The following SWT1 variants were observed in gnomAD, a reference collection of about 807,000 sequenced individuals.
The protein encoded by SWT1 is transcriptional protein SWT1.
Under a neutral mutation model 107.3 loss-of-function variants are expected in SWT1, and 33 were observed. The ratio of observed to expected loss-of-function variants is 0.31; its 90% CI spans 0.23 to 0.41. The LOEUF (loss-of-function observed/expected upper bound fraction) is 0.41, where lower values mean the gene tolerates loss of function less well. Ranked by LOEUF, SWT1 falls within the 10% of genes least tolerant of loss-of-function variation. The pLI is 1.00. For synonymous variants in SWT1, 345 were observed against 348.3 expected, an observed-to-expected ratio of 0.99 and a Z score of 0.11; for missense variants, 898 against 1,028.9, an observed-to-expected ratio of 0.87 and a Z score of 1.74.
At chr1:185,253,552 A>G (rs1662225344) in intron 16 of SWT1, among the ~76,000 whole-genome samples, 1 of 149,386 alleles carries the variant, frequency 6.7e-6, no homozygotes, top group South Asian at 2.1e-4. Flanking sequence ...GCAATTGTGA[A>G]TGGGAGTTCA....
intron 11 of SWT1, among the ~76,000 whole-genome samples, chr1:185,204,210 A>G (rs539293761): frequency 3.3e-5 from 5 of 152,228 alleles, no homozygotes; most frequent in Admixed American, 1.3e-4. Flanking sequence ...CTCAGGAGGC[A>G]GAGGTTTCAG....
intron 4 of SWT1, among the ~76,000 whole-genome samples, chr1:185,173,728 C>T (rs1166038463): frequency 1.3e-5 from 2 of 150,458 alleles, no homozygotes; most frequent in East Asian, 2.0e-4. Flanking sequence ...AAAGAGAAAT[C>T]GGATAGGCCG....
At chr1:185,237,652 C>G (rs1234096172) in intron 16 of SWT1, among the ~76,000 whole-genome samples, 1 of 152,070 alleles carries the variant, frequency 6.6e-6, no homozygotes, top group East Asian at 1.9e-4. Flanking sequence ...ACCTATGTAA[C>G]AAACCTGCCC....
At chr1:185,173,036 C>G (rs1409550506) in intron 4 of SWT1, among the ~76,000 whole-genome samples, 2 of 131,352 alleles carry the variant, frequency 1.5e-5, no homozygotes, top group African/African-American at 6.1e-5. Context: ...AAGCGAGACT[C>G]CGTCTCAAAA....
intron 13 of SWT1, 53 bp downstream of exon 13, chr1:185,206,816 A>G (rs1428659748): frequency 8.0e-7 from 1 of 1,250,762 alleles, no homozygotes; most frequent in Non-Finnish European, 1.1e-6. Flanking sequence ...TCAGACTAGC[A>G]GATATATTTC....
chr1:185,234,543 A>G (rs1372168613), intron 16 of SWT1, among the ~76,000 whole-genome samples: 2 of 152,120 alleles, frequency 1.3e-5, no homozygotes, highest in East Asian at 1.9e-4. Context: ...CTGCACACCA[A>G]TGGATCTTGA....
chr1:185,264,888 T>G (rs1014134676), intron 16 of SWT1, among the ~76,000 whole-genome samples: 1 of 152,180 alleles, frequency 6.6e-6, no homozygotes, highest in Admixed American at 6.5e-5. Context: ...ATTAGTATAT[T>G]CTAATTGTAT....
Position 185,231,562 on chromosome 1 carries a change from T to C in SWT1, c.2310-15T>C. ...GTATGTATACCTATGAGTATCTTTTTTTTCTCTATTTTAGCACGGATGTAT... is the reference window on the plus strand; with the variant it reads ...GTATGTATACCTATGAGTATCTTTTCTTTCTCTATTTTAGCACGGATGTAT... On this transcript the variant is annotated splice_polypyrimidine_tract_variant and intron_variant, in intron 15 of 18. Transcript: ENST00000367500. The C allele has an allele frequency of 1.3e-6, 2 of 1,589,998 alleles. No homozygotes were observed. The highest frequency in any genetic ancestry group is 1.7e-6 in the Non-Finnish European group (2 of 1,163,318).
At chr1:185,229,056 A>G (rs1660305897) in intron 15 of SWT1, among the ~76,000 whole-genome samples, 1 of 152,200 alleles carries the variant, frequency 6.6e-6, no homozygotes, top group Non-Finnish European at 1.5e-5. Context: ...AAGCTACAGC[A>G]CAATTTTAAG....
intron 1 of SWT1, among the ~76,000 whole-genome samples, chr1:185,158,026 G>T (rs1653780979): frequency 1.3e-5 from 2 of 152,148 alleles, no homozygotes; most frequent in Admixed American, 6.5e-5. Context: ...GCTTGGGCTT[G>T]GTCCGAACCT....
chr1:185,183,744 C>A (rs556840904), intron 7 of SWT1, among the ~76,000 whole-genome samples: 3 of 152,174 alleles, frequency 2.0e-5, no homozygotes, highest in Non-Finnish European at 2.9e-5. Context: ...AATCCACCTA[C>A]AAGCAATTTA....
At chr1:185,212,759 C>A (rs531982879) in intron 13 of SWT1, among the ~76,000 whole-genome samples, 11 of 149,936 alleles carry the variant, frequency 7.3e-5, no homozygotes, top group Non-Finnish European at 4.4e-5. Context: ...GCCGAGATTG[C>A]GCCATTGCAC....
rs1053446869 is a variant in SWT1, at chr1:185,266,225, A to G, written c.2442-5098A>G. ...ACTACAGGCGCCCGCCACCACGCCC[A>G]GCTAATTTTTTTGTATTTTTAGTAG... On this transcript the variant is annotated intron_variant, in intron 16 of 18. Coordinates refer to ENST00000367500, the MANE Select transcript of SWT1 (RefSeq NM_017673.7). Among the ~76,000 whole-genome samples the G allele has an allele frequency of 8.5e-5, 12 of 141,760 alleles. No individual in the cohort carries two copies. The East Asian group carries it at 1.4e-3, about 16-fold the overall frequency. 93.0% of individuals were successfully genotyped at this position (141,760 alleles called of 152,430 possible).
chr1:185,190,779 T>C, intron 10 of SWT1, 137 bp downstream of exon 10: 1 of 550,490 alleles, frequency 1.8e-6, no homozygotes, highest in Non-Finnish European at 3.3e-6. Context: ...TACCCACTTG[T>C]ATCTGACAGT....
intron 18 of SWT1, among the ~76,000 whole-genome samples, chr1:185,278,313 C>G (rs1664386470): frequency 6.6e-6 from 1 of 152,302 alleles, no homozygotes; most frequent in Admixed American, 6.5e-5. Flanking sequence ...CTAATTCCTT[C>G]CCTTCTGCCA....
intron 7 of SWT1, among the ~76,000 whole-genome samples, chr1:185,182,886 A>T (rs951741294): frequency 1.3e-5 from 2 of 152,150 alleles, no homozygotes; most frequent in Non-Finnish European, 2.9e-5. Context: ...CTGTAATCCC[A>T]GCACTTTGGG....
At chr1:185,180,073 A>G (rs1036075025) in intron 5 of SWT1, among the ~76,000 whole-genome samples, 1 of 152,124 alleles carries the variant, frequency 6.6e-6, no homozygotes, top group African/African-American at 2.4e-5. Flanking sequence ...GGTCCCAGCT[A>G]CTCAGGTGGC....
At chr1:185,203,883 A>G (rs1450519491) in intron 11 of SWT1, among the ~76,000 whole-genome samples, 2 of 152,210 alleles carry the variant, frequency 1.3e-5, no homozygotes, top group Non-Finnish European at 2.9e-5. Context: ...TTGTCATAAT[A>G]TTCAAAATGG....
At position 185,181,977 on chromosome 1, in the gene SWT1, G is replaced by C. The variant is rs200411078; in HGVS notation, c.1058G>C (p.Arg353Pro). The stretch of plus-strand genomic sequence containing the variant: ...ATAGTAGAAGAGCTTCATGCTGCAC[G>C]TGTGGGAAAAAGTGTGGATTTACCT... ...MQIVEELHAARVGKSVDLPGE... is the reference protein window; with the variant it reads ...MQIVEELHAAPVGKSVDLPGE... Residue 353 changes from arginine to proline, a missense_variant, in exon 7 of 19, where the codon CGT becomes CCT. Coordinates refer to ENST00000367500, the MANE Select transcript of SWT1 (RefSeq NM_017673.7). 1 of 1,613,852 alleles carries C rather than the reference G, an allele frequency of 6.2e-7. No individual in the cohort carries two copies. The highest frequency in any genetic ancestry group is 1.1e-5 in the South Asian group (1 of 91,084).
Sources: gnomAD v4.1 joint callset for allele counts (sites outside exome capture counted in the v4.1 genomes callset) on GRCh38, gnomAD v4.1.1 for gene constraint, MANE v1.5 for transcripts, NCBI Gene and HGNC (gene_info 2026-07-23, HGNC 2026-07-21) for gene names.